SINHCAF: variants seen among roughly 807,000 people sequenced by gnomAD.
SINHCAF encodes SIN3-HDAC complex associated factor, also known as SIN3-HDAC complex-associated factor.
SINHCAF carries 3 observed loss-of-function variants against 25.8 expected under a neutral mutation model. That is an observed-to-expected ratio of 0.12 (90% CI 0.05 to 0.30). SINHCAF has a LOEUF of 0.30. Ranked by LOEUF, SINHCAF falls within the 10% of genes least tolerant of loss-of-function variation. The pLI is 1.00. For missense variants in SINHCAF, 121 were observed against 262.3 expected, an observed-to-expected ratio of 0.46 and a Z score of 3.72; for synonymous variants, 70 against 85.5, an observed-to-expected ratio of 0.82 and a Z score of 1.00.
Position 31,306,434 on chromosome 12 carries a change from C to G in SINHCAF, c.-20-8210G>C, listed in dbSNP as rs527359568. Among the ~76,000 whole-genome samples, 51 of 152,260 alleles carry G rather than the reference C, an allele frequency of 3.3e-4. No individual in the cohort carries two copies. In the South Asian group the frequency reaches 0.011, roughly 32 times the overall value. On this transcript the variant is annotated intron_variant, in intron 1 of 5. Coordinates refer to ENST00000337682, the MANE Select transcript of SINHCAF (RefSeq NM_001135812.2). ...TGTAAATGTGTTCCATGAGGGGTATCTGATACCCCACTAGGATAATGGGTT... is the reference window on the plus strand; with the variant it reads ...TGTAAATGTGTTCCATGAGGGGTATGTGATACCCCACTAGGATAATGGGTT...
At chr12:31,287,223 A>G (rs1565489070) in intron 5 of SINHCAF, among the ~76,000 whole-genome samples, 1 of 152,098 alleles carries the variant, frequency 6.6e-6, no homozygotes, top group African/African-American at 2.4e-5. Context: ...ATATCCTATT[A>G]TTTTTTAAAT....
Position 31,325,614 on chromosome 12 carries a change from T to C in SINHCAF, c.-21+410A>G, listed in dbSNP as rs1939940811. The C allele has an allele frequency of 5.4e-6, 1 of 185,716 alleles. No homozygotes were observed. The highest frequency in any genetic ancestry group is 8.2e-5 in the South Asian group (1 of 12,180). 11.5% of individuals were successfully genotyped at this position (185,716 alleles called of 1,614,324 possible). ...CGCACCGACCCCGGCCGCTGCGCGGTGGCCAACGAGTCGCTTTCCTCTCGG... is the reference window on the plus strand; with the variant it reads ...CGCACCGACCCCGGCCGCTGCGCGGCGGCCAACGAGTCGCTTTCCTCTCGG... On this transcript the variant is annotated intron_variant, in intron 1 of 5. Transcript: ENST00000337682. The surrounding 1 kb of genome is among the most constrained non-coding windows in gnomAD (Gnocchi z 5.9).
At chr12:31,284,518 T>G (rs563754894) in intron 5 of SINHCAF, among the ~76,000 whole-genome samples, 2 of 152,196 alleles carry the variant, frequency 1.3e-5, no homozygotes, top group South Asian at 2.1e-4. Flanking sequence ...AACCTGGAGG[T>G]TTTTTTAAAT....
rs1030204446 is a variant in SINHCAF at position 31,281,535 on chromosome 12, T to C, written c.*1177A>G. On this transcript the variant is annotated 3_prime_UTR_variant, in exon 6 of 6. Coordinates refer to ENST00000337682, the MANE Select transcript of SINHCAF (RefSeq NM_001135812.2). ...ATTTTCAATGAAGTCACAGAAGTCATGTAACACAAACAAAAGTCGATTATA... is the reference window on the plus strand; with the variant it reads ...ATTTTCAATGAAGTCACAGAAGTCACGTAACACAAACAAAAGTCGATTATA... 6.6e-6 allele frequency: 1 copy of C among 152,210 alleles called. No homozygotes were observed. The highest frequency in any genetic ancestry group is 2.4e-5 in the African/African-American group (1 of 41,448). The allele number at this position is 152,210 out of a possible 1,614,324, so 9.4% of individuals were successfully genotyped here.
intron 1 of SINHCAF, among the ~76,000 whole-genome samples, chr12:31,301,865 CTT>C (rs1444144191): frequency 6.6e-6 from 1 of 151,994 alleles, no homozygotes; most frequent in Admixed American, 6.6e-5. Context: ...CGTGGCATAA[CTT>C]GATTTTAAAC....
intron 1 of SINHCAF, among the ~76,000 whole-genome samples, chr12:31,315,083 C>G (rs767150672): frequency 1.3e-5 from 2 of 152,228 alleles, no homozygotes; most frequent in African/African-American, 4.8e-5. Flanking sequence ...CCAGGAAGCA[C>G]AAGTTCCAGT....
At chr12:31,317,387 G>A (rs1027963080) in intron 1 of SINHCAF, among the ~76,000 whole-genome samples, 10 of 150,896 alleles carry the variant, frequency 6.6e-5, no homozygotes, top group African/African-American at 2.4e-4. Context: ...AAATGTCAAC[G>A]AATTTTCAGA....
At chr12:31,285,286 G>A (rs1193884202) in intron 5 of SINHCAF, among the ~76,000 whole-genome samples, 1 of 151,912 alleles carries the variant, frequency 6.6e-6, no homozygotes, top group Non-Finnish European at 1.5e-5. Flanking sequence ...TACTCCGGAG[G>A]CTGAGACAGG....
Position 31,287,671 on chromosome 12 carries a change from G to C in SINHCAF, c.469C>G (p.Pro157Ala). ...GTGAGATCTAAAAAGGAAAAAACTG[G>C]TGTTCTGTTAGAACCAGAAGCCATC... ...TEMASGSNRT[P>A]VFSFLDLTYW... Residue 157 changes from proline to alanine, a missense_variant, in exon 5 of 6, where the codon CCA (proline) becomes GCA (alanine). Transcript: ENST00000337682. The C allele has an allele frequency of 1.2e-6, 2 of 1,602,080 alleles. No individual in the cohort carries two copies. The highest frequency in any genetic ancestry group is 1.7e-6 in the Non-Finnish European group (2 of 1,173,488).
At chr12:31,312,873 C>T (rs1939331456) in intron 1 of SINHCAF, among the ~76,000 whole-genome samples, 1 of 152,106 alleles carries the variant, frequency 6.6e-6, no homozygotes, top group Admixed American at 6.5e-5. Flanking sequence ...TATTATCTTC[C>T]AGAAGTTTGT....
At chr12:31,283,414 C>A (rs1463165913) in intron 5 of SINHCAF, among the ~76,000 whole-genome samples, 1 of 151,948 alleles carries the variant, frequency 6.6e-6, no homozygotes, top group African/African-American at 2.4e-5. Context: ...ATCAGCCTGG[C>A]CAACATGGCG....
intron 4 of SINHCAF, among the ~76,000 whole-genome samples, 186 bp downstream of exon 4, chr12:31,293,619 T>A (rs766716959): frequency 3.4e-4 from 52 of 152,136 alleles, no homozygotes; most frequent in Admixed American, 1.3e-3. Flanking sequence ...TCTTGAGACA[T>A]CAAAATCAGA....
intron 4 of SINHCAF, among the ~76,000 whole-genome samples, chr12:31,292,598 G>A (rs929172756): frequency 2.9e-4 from 44 of 152,060 alleles, no homozygotes; most frequent in African/African-American, 8.9e-4. Context: ...GGAAAGGTAA[G>A]TGTATAATTA....
chr12:31,291,267 T>C (rs138856503), intron 4 of SINHCAF, among the ~76,000 whole-genome samples: 27 of 152,304 alleles, frequency 1.8e-4, no homozygotes, highest in African/African-American at 5.1e-4. Flanking sequence ...ACAAAAAGAA[T>C]AGCTAACATT....
chr12:31,310,336 T>C (rs976937537), intron 1 of SINHCAF, among the ~76,000 whole-genome samples: 6 of 152,206 alleles, frequency 3.9e-5, no homozygotes, highest in African/African-American at 1.4e-4. Flanking sequence ...GTGCCTACTA[T>C]TGTGTTAATT....
In SINHCAF at chr12:31,291,049, G is replaced by A. The variant is rs548366593; in HGVS notation, c.355+2756C>T. Among the ~76,000 whole-genome samples the A allele has an allele frequency of 5.4e-4, 82 of 152,256 alleles. 2 individuals are homozygous for A. Among genetic ancestry groups the A allele is most frequent in the African/African-American group, 1.7e-3 (71 of 41,534 alleles). On this transcript the variant is annotated intron_variant, in intron 4 of 5. Coordinates refer to ENST00000337682, the MANE Select transcript of SINHCAF (RefSeq NM_001135812.2). ...TGCAATTTTAAGTCTTAAAAATTAC[G>A]TAGGATTTAGAAGGCACCAAGGAGT... is the stretch of plus-strand genomic sequence containing the variant.
intron 2 of SINHCAF, among the ~76,000 whole-genome samples, chr12:31,295,537 G>T (rs76428927): frequency 0.018 from 2,664 of 152,044 alleles, 50 homozygotes; most frequent in African/African-American, 0.044. Context: ...TTCTATGTAC[G>T]GCAATTTGGT....
At chr12:31,295,205 T>A in intron 3 of SINHCAF, 29 bp downstream of exon 3, 1 of 1,324,086 alleles carries the variant, frequency 7.6e-7, no homozygotes. Flanking sequence ...AGTAGAGGTA[T>A]AATTGAGAAA....
At chr12:31,287,337 C>T (rs1056571737) in intron 5 of SINHCAF, among the ~76,000 whole-genome samples, 37 of 152,110 alleles carry the variant, frequency 2.4e-4, no homozygotes, top group Admixed American at 2.2e-3. Context: ...TTTTTGGTCA[C>T]GTCTTTTTGA....
Sources: gnomAD v4.1 joint callset for allele counts (sites outside exome capture counted in the v4.1 genomes callset) on GRCh38, gnomAD v4.1.1 for gene constraint, Gnocchi (gnomAD v3.1) non-coding constraint, MANE v1.5 for transcripts, NCBI Gene and HGNC (gene_info 2026-07-23, HGNC 2026-07-21) for gene names.